The following RIMS2 variants were observed in gnomAD, a reference collection of about 807,000 sequenced individuals.
The protein encoded by RIMS2 is regulating synaptic membrane exocytosis protein 2.
RIMS2 carries 59 observed loss-of-function variants against 174.4 expected under a neutral mutation model. That is an observed-to-expected ratio of 0.34 (90% CI 0.27 to 0.42). RIMS2 has a LOEUF of 0.42. Ranked by LOEUF, RIMS2 falls within the 10% of genes least tolerant of loss-of-function variation. The pLI is 1.00. For missense variants in RIMS2, 1,620 were observed against 1,666.3 expected (o/e 0.97, Z 0.48); for synonymous variants, 606 against 572.5 (o/e 1.06, Z -0.84).
Position 103,688,557 on chromosome 8 carries a change from C to T in RIMS2, c.177-8529C>T, listed in dbSNP as rs983221928. Among the ~76,000 whole-genome samples, 19 of 151,982 alleles carry T rather than the reference C, an allele frequency of 1.3e-4. 2 individuals carry two copies. Among genetic ancestry groups the T allele is most frequent in the Admixed American group, 1.1e-3 (17 of 15,246 alleles). On this transcript the variant is annotated intron_variant, in intron 1 of 23. Coordinates refer to ENST00000504942, the Ensembl canonical transcript of RIMS2. ...ATCTATGTTCATCAAGAATATTGGC[C>T]TGTAATTTTATTATTTTTGTAGTTT... is the stretch of plus-strand genomic sequence containing the variant.
intron 1 of RIMS2, among the ~76,000 whole-genome samples, chr8:103,545,009 A>G (rs1250317849): frequency 6.6e-6 from 1 of 152,250 alleles, no homozygotes; most frequent in Non-Finnish European, 1.5e-5. Flanking sequence ...AAGTGACCAC[A>G]CTGGTTCCCC....
At chr8:103,651,637 T>A (rs866768120) in intron 1 of RIMS2, among the ~76,000 whole-genome samples, 51 of 152,304 alleles carry the variant, frequency 3.3e-4, no homozygotes, top group Middle Eastern at 3.4e-3. Context: ...GTTTGCATAA[T>A]TAACTTATGA....
intron 15 of RIMS2, among the ~76,000 whole-genome samples, chr8:103,963,982 T>C (rs1447583750): frequency 2.6e-5 from 4 of 152,208 alleles, no homozygotes; most frequent in African/African-American, 9.6e-5. Context: ...TAATATGCTT[T>C]GTCTTTTCAT....
chr8:103,885,643 C>G, exon 4 of RIMS2: 1 of 1,612,982 alleles, frequency 6.2e-7, no homozygotes, highest in Non-Finnish European at 8.5e-7. Context: ...AGCCACAACC[C>G]TATGAAGAAC....
Position 103,807,411 on chromosome 8 carries a change from C to G in RIMS2, c.698+40874C>G, listed in dbSNP as rs569001446. Among the ~76,000 whole-genome samples the G allele has an allele frequency of 4.6e-5, 7 of 152,102 alleles. No individual in the cohort carries two copies. In the South Asian group the frequency reaches 1.5e-3, roughly 32 times the overall value. ...GAACAATCTCAATAGAACATTAGTG[C>G]TAGAAAATTGATTAGTATGGATTTA... On this transcript the variant is annotated intron_variant, in intron 3 of 23. Coordinates refer to ENST00000504942, the Ensembl canonical transcript of RIMS2.
intron 19 of RIMS2, among the ~76,000 whole-genome samples, chr8:104,041,031 G>T (rs1437058783): frequency 6.6e-6 from 1 of 151,546 alleles, no homozygotes; most frequent in Non-Finnish European, 1.5e-5. Context: ...CTTCAGCATT[G>T]GTGTTCAGGA....
chr8:103,641,651 T>A (rs758021091), intron 1 of RIMS2, among the ~76,000 whole-genome samples: 1 of 152,078 alleles, frequency 6.6e-6, no homozygotes, highest in Non-Finnish European at 1.5e-5. Flanking sequence ...TGGAGGTGTA[T>A]CCCTCATAAG....
intron 1 of RIMS2, among the ~76,000 whole-genome samples, chr8:103,608,833 C>T (rs2134089064): frequency 6.6e-6 from 1 of 152,366 alleles, no homozygotes; most frequent in African/African-American, 2.4e-5. Flanking sequence ...TGAGGCAATG[C>T]CTCGCCCTGC....
intron 3 of RIMS2, among the ~76,000 whole-genome samples, chr8:103,777,656 G>T (rs898556582): frequency 1.3e-5 from 2 of 151,932 alleles, no homozygotes; most frequent in Non-Finnish European, 2.9e-5. Context: ...ATGCTAATTA[G>T]GGTTGATATA....
At chr8:103,568,126 G>C (rs914698365) in intron 1 of RIMS2, among the ~76,000 whole-genome samples, 2 of 151,712 alleles carry the variant, frequency 1.3e-5, no homozygotes, top group Non-Finnish European at 2.9e-5. Context: ...ATAAATAAAA[G>C]TAAATGAAAT....
chr8:104,143,262 T>C (rs969841962), intron 19 of RIMS2, among the ~76,000 whole-genome samples: 10 of 152,212 alleles, frequency 6.6e-5, no homozygotes, highest in African/African-American at 2.4e-4. Flanking sequence ...TTAAGTGAAA[T>C]AAAGTTTATT....
At chr8:103,972,648 A>C (rs1486169785) in intron 15 of RIMS2, among the ~76,000 whole-genome samples, 1 of 152,122 alleles carries the variant, frequency 6.6e-6, no homozygotes, top group Non-Finnish European at 1.5e-5. Context: ...TTCTGTGAAC[A>C]TGTGAGACGC....
intron 3 of RIMS2, among the ~76,000 whole-genome samples, chr8:103,825,551 A>G (rs1272210561): frequency 2.0e-5 from 3 of 151,160 alleles, no homozygotes; most frequent in African/African-American, 7.3e-5. Context: ...TCCAAAGTGC[A>G]GGGATTACAG....
At chr8:103,812,336 T>TTTG (rs2098693008) in intron 3 of RIMS2, among the ~76,000 whole-genome samples, 1 of 144,386 alleles carries the variant, frequency 6.9e-6, no homozygotes. Context: ...ACCTTGTTTT[T>TTTG]TTTTTTTTTT....
intron 19 of RIMS2, among the ~76,000 whole-genome samples, chr8:104,119,731 T>C (rs2098341546): frequency 6.6e-6 from 1 of 152,202 alleles, no homozygotes; most frequent in South Asian, 2.1e-4. Flanking sequence ...AATCAAGTAC[T>C]ACCAGGCTGA....
intron 1 of RIMS2, among the ~76,000 whole-genome samples, chr8:103,669,184 G>A (rs554087521): frequency 5.3e-5 from 8 of 152,270 alleles, no homozygotes; most frequent in African/African-American, 1.4e-4. Context: ...AGAGCCATGC[G>A]AAAGTGTTTC....
At position 103,912,046 on chromosome 8, in the gene RIMS2, A is replaced by T; in HGVS notation, c.1693-7A>T. The T allele has an allele frequency of 7.8e-6, 12 of 1,535,588 alleles. No homozygotes were observed. The highest frequency in any genetic ancestry group is 1.1e-5 in the Non-Finnish European group (12 of 1,137,762). On this transcript the variant is annotated splice_region_variant and splice_polypyrimidine_tract_variant and intron_variant, in intron 5 of 23. Coordinates refer to ENST00000504942, the Ensembl canonical transcript of RIMS2. ...TATTTATTTTGTTTGTTGATGCAAA[A>T]TGTCAGCACCCTGTAACCTGGCAAC...
At chr8:103,889,540 A>G (rs10955333) in intron 4 of RIMS2, among the ~76,000 whole-genome samples, 20,966 of 151,746 alleles carry the variant, frequency 0.14, 1,643 homozygotes, top group Middle Eastern at 0.24. Context: ...TCGAGGTCCT[A>G]GTACATCATA....
At chr8:103,560,649 G>C (rs2091439668) in intron 1 of RIMS2, among the ~76,000 whole-genome samples, 1 of 152,194 alleles carries the variant, frequency 6.6e-6, no homozygotes. Flanking sequence ...ATTGGGCTGT[G>C]TGTCAATGTC....
Sources: gnomAD v4.1 joint callset for allele counts (sites outside exome capture counted in the v4.1 genomes callset) on GRCh38, gnomAD v4.1.1 for gene constraint, MANE v1.5 for transcripts, NCBI Gene and HGNC (gene_info 2026-07-23, HGNC 2026-07-21) for gene names.